Variants in TSPAN7 observed in about 807,000 individuals in gnomAD.
TSPAN7 encodes the protein tetraspanin 7, also known as tetraspanin-7.
A neutral mutation model predicts 17.6 loss-of-function variants in TSPAN7; 1 was observed. That is an observed-to-expected ratio of 0.06 (90% CI 0.02 to 0.27). The LOEUF (loss-of-function observed/expected upper bound fraction) is 0.27. Among genes scored for constraint, TSPAN7 ranks in the 10% least tolerant of loss-of-function variants. The probability of loss-of-function intolerance (pLI) is 1.00; values close to 1 mark genes in which losing one functional copy is unlikely to be tolerated. For missense variants in TSPAN7, 112 were observed against 201.7 expected (o/e 0.56, Z 2.69); for synonymous variants, 78 against 79.0 (o/e 0.99, Z 0.07).
intron 3 of TSPAN7, among the ~76,000 whole-genome samples, chrX:38,673,520 A>G (rs2147453792): frequency 9.2e-6 from 1 of 108,955 alleles, no homozygotes; most frequent in Non-Finnish European, 1.9e-5. Flanking sequence ...GGCGCCTGCC[A>G]CCATGCCTGA....
chrX:38,648,019 C>G (rs2069654410), intron 1 of TSPAN7, among the ~76,000 whole-genome samples: 1 of 111,679 alleles, frequency 9.0e-6, no homozygotes, highest in African/African-American at 3.3e-5. Context: ...TTTGCTTTGT[C>G]TTGGTCCCTA....
At chrX:38,622,796 G>A (rs1037589443) in intron 1 of TSPAN7, 2 of 310,128 alleles carry the variant, frequency 6.4e-6, no homozygotes, top group African/African-American at 5.4e-5. Flanking sequence ...GTTTAGTCCA[G>A]ACTTGGTTCT....
At chrX:38,671,763 C>T (rs1200379648) in intron 3 of TSPAN7, among the ~76,000 whole-genome samples, 1 of 111,553 alleles carries the variant, frequency 9.0e-6, no homozygotes, top group Non-Finnish European at 1.9e-5. Context: ...CTGCTTCAGG[C>T]TGGGCATGGT....
At chrX:38,575,725 A>T (rs746695469) in intron 1 of TSPAN7, among the ~76,000 whole-genome samples, 1 of 112,593 alleles carries the variant, frequency 8.9e-6, no homozygotes, top group African/African-American at 3.2e-5. Flanking sequence ...GCAATTAAAT[A>T]AAAAATAAAT....
chrX:38,598,998 C>T (rs2069332276), intron 1 of TSPAN7, among the ~76,000 whole-genome samples: 1 of 111,353 alleles, frequency 9.0e-6, no homozygotes, highest in Non-Finnish European at 1.9e-5. Flanking sequence ...TTCTGCTTTC[C>T]CTGATTCATA....
rs772748134 is a variant in TSPAN7 at position 38,674,914 on chromosome X, G to C, written c.441+598G>C. On this transcript the variant is annotated intron_variant, in intron 4 of 7. Transcript: ENST00000378482. Reference sequence around the variant, plus strand: ...GGGGGATTTTGCTTTGGTTTTTCTTGGTTTTGTTTACTTCAGAAGAAGTCT... The same window carrying C: ...GGGGGATTTTGCTTTGGTTTTTCTTCGTTTTGTTTACTTCAGAAGAAGTCT... 4.5e-5 allele frequency among the ~76,000 whole-genome samples: 5 copies of C among 111,678 alleles called. No homozygotes were observed. The South Asian group carries it at 1.9e-3, about 42-fold the overall frequency.
At chrX:38,631,660 G>T in intron 1 of TSPAN7, among the ~76,000 whole-genome samples, 1 of 111,596 alleles carries the variant, frequency 9.0e-6, no homozygotes. Context: ...TGTATGATGT[G>T]CCTCTATTTT....
At chrX:38,632,653 T>C (rs972098140) in intron 1 of TSPAN7, among the ~76,000 whole-genome samples, 9 of 112,658 alleles carry the variant, frequency 8.0e-5, no homozygotes, top group African/African-American at 2.9e-4. Context: ...TTGACTTTCA[T>C]TTGCCACCAT....
intron 1 of TSPAN7, chrX:38,656,063 G>A (rs1398499064): frequency 1.2e-5 from 4 of 322,175 alleles, no homozygotes; most frequent in South Asian, 5.5e-5. Flanking sequence ...AGAAGAGCTC[G>A]TCACTAAGAT....
chrX:38,655,671 C>A (rs66523316), intron 1 of TSPAN7, among the ~76,000 whole-genome samples: 3,442 of 110,885 alleles, frequency 0.031, 132 homozygotes, highest in African/African-American at 0.11. Flanking sequence ...CCAGTTTCAC[C>A]TGAAAGGAGG....
At chrX:38,681,677 C>T (rs889376032) in intron 6 of TSPAN7, among the ~76,000 whole-genome samples, 1 of 111,544 alleles carries the variant, frequency 9.0e-6, no homozygotes, top group Admixed American at 9.6e-5. Context: ...TCTCTTAGTT[C>T]CTATGTATTA....
chrX:38,666,630 G>A (rs1424389363), intron 2 of TSPAN7, among the ~76,000 whole-genome samples: 11 of 105,136 alleles, frequency 1.0e-4, no homozygotes, highest in Non-Finnish European at 7.8e-5. Flanking sequence ...ATGGAGTCTC[G>A]CTCTGTTGCC....
At chrX:38,561,682 G>A in intron 1 of TSPAN7, 55 bp downstream of exon 1, 1 of 1,042,948 alleles carries the variant, frequency 9.6e-7, no homozygotes, top group Non-Finnish European at 1.3e-6. Flanking sequence ...TCCGTATGAT[G>A]ATGCTCTGAG....
At chrX:38,606,620 A>G (rs1468598843) in intron 1 of TSPAN7, among the ~76,000 whole-genome samples, 2 of 111,229 alleles carry the variant, frequency 1.8e-5, no homozygotes, top group Non-Finnish European at 3.8e-5. Flanking sequence ...ACAACCTGGA[A>G]GTGATGAATG....
At chrX:38,563,188 G>A in intron 1 of TSPAN7, 1 of 878,087 alleles carries the variant, frequency 1.1e-6, no homozygotes, top group Non-Finnish European at 1.4e-6. Context: ...AATGAGCTAG[G>A]ATAGATTAAC....
intron 1 of TSPAN7, among the ~76,000 whole-genome samples, chrX:38,607,990 T>C (rs1470163485): frequency 1.8e-5 from 2 of 111,218 alleles, no homozygotes; most frequent in African/African-American, 6.5e-5. Flanking sequence ...CCCTTGAATC[T>C]TTCCTGATTC....
Position 38,683,007 on chromosome X carries a change from C to T in TSPAN7, c.681+1720C>T, listed in dbSNP as rs764860911. Among the ~76,000 whole-genome samples, 4 of 111,158 alleles carry T rather than the reference C, an allele frequency of 3.6e-5. 1 individual carries two copies. In the East Asian group the frequency reaches 1.1e-3, roughly 31 times the overall value. On this transcript the variant is annotated intron_variant, in intron 6 of 7. Coordinates refer to ENST00000378482, the MANE Select transcript of TSPAN7 (RefSeq NM_004615.4). ...TGTTTGGCATTTGAGGAGACCTGTC[C>T]CATTGGAGGAAAAAAAAATATTGCT... is the stretch of plus-strand genomic sequence containing the variant.
At chrX:38,686,885 C>T (rs1348637511) in intron 6 of TSPAN7, among the ~76,000 whole-genome samples, 3 of 111,662 alleles carry the variant, frequency 2.7e-5, no homozygotes, top group Non-Finnish European at 5.6e-5. Flanking sequence ...GGAGGTACTA[C>T]ATCACTGGTG....
chrX:38,633,387 G>A (rs190481376), intron 1 of TSPAN7, among the ~76,000 whole-genome samples: 2 of 111,846 alleles, frequency 1.8e-5, no homozygotes, highest in African/African-American at 6.5e-5. Flanking sequence ...ATACACAAAT[G>A]AAGGTTACAA....
Sources: allele counts gnomAD v4.1 joint callset (sites outside exome capture counted in the v4.1 genomes callset), GRCh38; gene constraint gnomAD v4.1.1; transcripts MANE v1.5; gene names NCBI Gene and HGNC (gene_info 2026-07-23, HGNC 2026-07-21).